RNF144A: variants seen among roughly 807,000 people sequenced by gnomAD.
RNF144A encodes the protein E3 ubiquitin-protein ligase RNF144A.
RNF144A carries 11 observed loss-of-function variants against 38.7 expected under a neutral mutation model. That is an observed-to-expected ratio of 0.28 (90% CI 0.18 to 0.47). RNF144A has a LOEUF of 0.47. Ranked by LOEUF, RNF144A falls within the 20% of genes least tolerant of loss-of-function variation. The pLI is 0.99. For synonymous variants in RNF144A, 149 were observed against 143.9 expected (o/e 1.04, Z -0.25); for missense variants, 316 against 377.2 (o/e 0.84, Z 1.34).
intron 1 of RNF144A, among the ~76,000 whole-genome samples, chr2:6,926,215 G>A (rs1458831480): frequency 1.3e-5 from 2 of 152,234 alleles, no homozygotes; most frequent in Admixed American, 6.5e-5. Flanking sequence ...TGAGAGAGGA[G>A]GGGGAGTTGG....
intron 2 of RNF144A, among the ~76,000 whole-genome samples, chr2:6,980,354 G>A (rs573270097): frequency 1.3e-5 from 2 of 152,352 alleles, no homozygotes; most frequent in African/African-American, 4.8e-5. Context: ...CGAAGAGCCT[G>A]TAAAATCACA....
rs55943761 is a variant in RNF144A, at chr2:7,042,402, T to C, written c.*2642T>C. The C allele has an allele frequency of 0.082, 81,073 of 985,410 alleles. 3,519 individuals are homozygous for C. The highest frequency in any genetic ancestry group is 0.18 in the Middle Eastern group (340 of 1,916). The allele number at this position is 985,410 out of a possible 1,614,324, so 61.0% of individuals were successfully genotyped here. Reference sequence around the variant, plus strand: ...TCCATTGAAAAATGGCATTCACTCTTACAGATGGTGTTCACTGCAAGCCCC... The same window carrying C: ...TCCATTGAAAAATGGCATTCACTCTCACAGATGGTGTTCACTGCAAGCCCC... On this transcript the variant is annotated 3_prime_UTR_variant, in exon 9 of 9. Coordinates refer to ENST00000320892, the MANE Select transcript of RNF144A (RefSeq NM_014746.6).
chr2:7,029,952 G>A (rs1672168593), intron 7 of RNF144A, among the ~76,000 whole-genome samples, 174 bp from the exon 8 acceptor site: 1 of 152,264 alleles, frequency 6.6e-6, no homozygotes, highest in Non-Finnish European at 1.5e-5. Flanking sequence ...GGAGCGGCCT[G>A]GGCCTCCAGT....
At chr2:6,982,713 G>A (rs1052020292) in intron 2 of RNF144A, among the ~76,000 whole-genome samples, 1 of 152,188 alleles carries the variant, frequency 6.6e-6, no homozygotes, top group East Asian at 1.9e-4. Flanking sequence ...GATTGAGAAA[G>A]TGGCAACTTC....
chr2:6,975,304 C>T (rs1158106338), intron 2 of RNF144A, among the ~76,000 whole-genome samples: 1 of 152,106 alleles, frequency 6.6e-6, no homozygotes, highest in Non-Finnish European at 1.5e-5. Context: ...ACGGGAAAGA[C>T]CTACCCCCAT....
chr2:6,999,191 AT>A (rs1453094911), intron 3 of RNF144A, among the ~76,000 whole-genome samples: 1 of 152,126 alleles, frequency 6.6e-6, no homozygotes, highest in African/African-American at 2.4e-5. Context: ...CACTGTGGTG[AT>A]TTTTTTTCAC....
At chr2:7,020,326 G>C (rs1462469308) in intron 5 of RNF144A, 147 bp from the exon 6 acceptor site, 1 of 668,682 alleles carries the variant, frequency 1.5e-6, no homozygotes, top group Non-Finnish European at 2.6e-6. Flanking sequence ...AGGGTGGCTT[G>C]GGCGGTGCTT....
intron 2 of RNF144A, among the ~76,000 whole-genome samples, chr2:6,967,446 C>T (rs1015616927): frequency 8.5e-5 from 13 of 152,252 alleles, no homozygotes; most frequent in East Asian, 1.9e-4. Flanking sequence ...CCATTGTGCC[C>T]CACCCTTGCC....
At chr2:7,014,874 T>C in intron 5 of RNF144A, 102 bp downstream of exon 5, 2 of 818,284 alleles carry the variant, frequency 2.4e-6, no homozygotes, top group Non-Finnish European at 4.1e-6. Flanking sequence ...CAGCATTTGA[T>C]AGGAGTTAAA....
intron 2 of RNF144A, among the ~76,000 whole-genome samples, chr2:6,996,299 T>A (rs1669733824): frequency 6.6e-6 from 1 of 152,208 alleles, no homozygotes; most frequent in African/African-American, 2.4e-5. Flanking sequence ...CAAAAGCTTC[T>A]CTTCCAAGAT....
intron 8 of RNF144A, among the ~76,000 whole-genome samples, chr2:7,034,186 CT>C (rs1338232216): frequency 6.6e-6 from 1 of 151,906 alleles, no homozygotes; most frequent in Non-Finnish European, 1.5e-5. Context: ...CCTAATAGTT[CT>C]TCCTTTCTTT....
intron 7 of RNF144A, 149 bp downstream of exon 7, chr2:7,024,665 T>C: frequency 1.1e-6 from 1 of 890,308 alleles, no homozygotes; most frequent in Non-Finnish European, 1.7e-6. Flanking sequence ...CTCCTGGGTT[T>C]GTGAAAACAT....
rs150626001 is a variant in RNF144A at position 7,000,166 on chromosome 2, G to A, written c.135+3105G>A. 2.1e-3 allele frequency among the ~76,000 whole-genome samples: 322 copies of A among 152,340 alleles called. 1 individual carries two copies. Among genetic ancestry groups the A allele is most frequent in the Middle Eastern group, 0.014 (4 of 294 alleles). On this transcript the variant is annotated intron_variant, in intron 3 of 8. Coordinates refer to ENST00000320892, the MANE Select transcript of RNF144A (RefSeq NM_014746.6). ...ACAAGAGCCTGTGCACATGTTCCAG[G>A]TGCTGTGCTAGGCCTTGGGAGCTTG...
In RNF144A at chr2:6,985,838, A is replaced by C. The variant is rs891588741; in HGVS notation, c.-11-11078A>C. ...CACGTGCGCACCATCGCACCCGGCTAATTTTTTTTGTATTTTTAGTAGAGG... is the reference window on the plus strand; with the variant it reads ...CACGTGCGCACCATCGCACCCGGCTCATTTTTTTTGTATTTTTAGTAGAGG... On this transcript the variant is annotated intron_variant, in intron 2 of 8. Coordinates refer to ENST00000320892, the MANE Select transcript of RNF144A (RefSeq NM_014746.6). 2.0e-5 allele frequency among the ~76,000 whole-genome samples: 3 copies of C among 151,974 alleles called. No homozygotes were observed. The South Asian group carries it at 6.2e-4, about 31-fold the overall frequency.
At chr2:7,032,681 C>T (rs1672403477) in intron 8 of RNF144A, among the ~76,000 whole-genome samples, 1 of 152,244 alleles carries the variant, frequency 6.6e-6, no homozygotes, top group Non-Finnish European at 1.5e-5. Flanking sequence ...CAAATCCCCC[C>T]TTTCTATCAG....
At chr2:7,049,913 T>C (rs1454457549) in intron 6 of RNF144A, among the ~76,000 whole-genome samples, 1 of 152,202 alleles carries the variant, frequency 6.6e-6, no homozygotes, top group African/African-American at 2.4e-5. Flanking sequence ...GCAGTCCAAA[T>C]GCAACGGCTT....
intron 6 of RNF144A, among the ~76,000 whole-genome samples, chr2:7,061,653 C>T (rs979706131): frequency 6.6e-6 from 1 of 152,178 alleles, no homozygotes; most frequent in South Asian, 2.1e-4. Flanking sequence ...GCACACCACT[C>T]TTTAGGGCCT....
intron 5 of RNF144A, among the ~76,000 whole-genome samples, chr2:7,019,673 A>C (rs1013790866): frequency 2.0e-5 from 3 of 152,200 alleles, no homozygotes; most frequent in African/African-American, 7.2e-5. Context: ...GACAAGAGGG[A>C]AGATGAAATG....
intron 7 of RNF144A, among the ~76,000 whole-genome samples, chr2:7,028,349 C>G (rs979996814): frequency 1.7e-4 from 26 of 152,214 alleles, no homozygotes; most frequent in African/African-American, 5.8e-4. Context: ...GGCCTGGCCC[C>G]CAGCAGAGGC....
Sources: allele counts gnomAD v4.1 joint callset (sites outside exome capture counted in the v4.1 genomes callset), GRCh38; gene constraint gnomAD v4.1.1; transcripts MANE v1.5; gene names NCBI Gene and HGNC (gene_info 2026-07-23, HGNC 2026-07-21).